TAOK1: variants seen among roughly 807,000 people sequenced by gnomAD.
TAOK1 encodes serine/threonine-protein kinase TAO1.
A neutral mutation model predicts 138.3 loss-of-function variants in TAOK1; 21 were observed. The ratio of observed to expected loss-of-function variants is 0.15; its 90% CI spans 0.11 to 0.22. The LOEUF is 0.22. Ranked by LOEUF, TAOK1 falls within the 10% of genes least tolerant of loss-of-function variation. The pLI, the probability that TAOK1 is intolerant of heterozygous loss-of-function variation, is 1.00. For synonymous variants in TAOK1, 361 were observed against 398.4 expected, an observed-to-expected ratio of 0.91 and a Z score of 1.12; for missense variants, 651 against 1,227.7, an observed-to-expected ratio of 0.53 and a Z score of 7.02.
chr17:29,407,420 A>C (rs900441597), intron 1 of TAOK1, among the ~76,000 whole-genome samples: 10 of 151,896 alleles, frequency 6.6e-5, no homozygotes, highest in Admixed American at 1.3e-4. Flanking sequence ...CTTTATACCC[A>C]ATTGCCTGAC....
chr17:29,448,474 A>G (rs191502060), intron 1 of TAOK1, among the ~76,000 whole-genome samples: 126 of 152,246 alleles, frequency 8.3e-4, no homozygotes, highest in African/African-American at 2.9e-3. Context: ...CAAGATAGAC[A>G]TACATGGGTT....
intron 1 of TAOK1, among the ~76,000 whole-genome samples, chr17:29,423,596 T>C (rs1905530302): frequency 6.6e-6 from 1 of 152,166 alleles, no homozygotes. Context: ...CAATTTCACT[T>C]TTATATTTCT....
intron 1 of TAOK1, among the ~76,000 whole-genome samples, chr17:29,420,144 A>C (rs1468836693): frequency 1.3e-5 from 2 of 151,748 alleles, no homozygotes; most frequent in South Asian, 4.2e-4. Context: ...TCCTGGGCTC[A>C]AGCAGTCCTC....
intron 1 of TAOK1, among the ~76,000 whole-genome samples, chr17:29,400,842 G>A (rs1260390509): frequency 2.6e-5 from 4 of 151,656 alleles, no homozygotes; most frequent in Non-Finnish European, 5.9e-5. Context: ...AAAGTAATGG[G>A]GAGTGTCAGT....
intron 2 of TAOK1, among the ~76,000 whole-genome samples, chr17:29,454,676 C>T (rs1202820275): frequency 6.6e-6 from 1 of 151,986 alleles, no homozygotes; most frequent in African/African-American, 2.4e-5. Flanking sequence ...CTCCATGCAA[C>T]ATATTCTTAG....
intron 1 of TAOK1, among the ~76,000 whole-genome samples, chr17:29,432,025 G>A (rs1360310591): frequency 6.6e-6 from 1 of 152,052 alleles, no homozygotes; most frequent in African/African-American, 2.4e-5. Context: ...CGTGTGCGGA[G>A]ACCAGCTCGG....
At chr17:29,505,215 C>T (rs924624470) in intron 13 of TAOK1, among the ~76,000 whole-genome samples, 4 of 152,052 alleles carry the variant, frequency 2.6e-5, no homozygotes, top group Non-Finnish European at 4.4e-5. Flanking sequence ...CTTAGTCTAC[C>T]GTCTCCTGCC....
chr17:29,457,262 T>C (rs1211942851), intron 2 of TAOK1, among the ~76,000 whole-genome samples: 1 of 147,542 alleles, frequency 6.8e-6, no homozygotes, highest in Non-Finnish European at 1.5e-5. Flanking sequence ...CCACCATACC[T>C]GGCTAATTTT....
At chr17:29,521,389 T>C (rs1179703419) in intron 16 of TAOK1, among the ~76,000 whole-genome samples, 2 of 152,244 alleles carry the variant, frequency 1.3e-5, no homozygotes, top group Non-Finnish European at 2.9e-5. Context: ...TACCATGTGC[T>C]AGGTATTATT....
At chr17:29,517,391 A>T in intron 15 of TAOK1, 62 bp from the exon 16 acceptor site, 1 of 1,549,068 alleles carries the variant, frequency 6.5e-7, no homozygotes, top group Non-Finnish European at 8.8e-7. Context: ...GAGTGCTGGG[A>T]TTACAGGCGT....
chr17:29,449,518 G>A (rs2030179784), intron 1 of TAOK1, among the ~76,000 whole-genome samples: 1 of 152,262 alleles, frequency 6.6e-6, no homozygotes, highest in East Asian at 1.9e-4. Context: ...GACAAGAATT[G>A]GATGGAGCTG....
At position 29,475,667 on chromosome 17, in the gene TAOK1, C is replaced by T; in HGVS notation, c.205-3C>T. ...TAATTCTTTACCTTTTTTCTCCCCA[C>T]AGAAATGGCAGGATATTATTAAGGA... On this transcript the variant is annotated splice_region_variant and splice_polypyrimidine_tract_variant and intron_variant, in intron 3 of 19. Coordinates refer to ENST00000261716, the MANE Select transcript of TAOK1 (RefSeq NM_020791.4). 2 of 1,593,400 alleles carry T rather than the reference C, an allele frequency of 1.3e-6. No individual in the cohort carries two copies. The highest frequency in any genetic ancestry group is 1.7e-6 in the Non-Finnish European group (2 of 1,166,794).
intron 7 of TAOK1, among the ~76,000 whole-genome samples, chr17:29,481,688 G>A (rs1246989940): frequency 1.1e-4 from 17 of 151,932 alleles, no homozygotes; most frequent in Non-Finnish European, 1.6e-4. Context: ...GGCCAGGTGC[G>A]GTGGATCACG....
chr17:29,452,088 C>T (rs1195264496), intron 2 of TAOK1, among the ~76,000 whole-genome samples: 1 of 151,964 alleles, frequency 6.6e-6, no homozygotes, highest in African/African-American at 2.4e-5. Flanking sequence ...TGGTGGTGCA[C>T]ACCTGTAGTT....
intron 18 of TAOK1, among the ~76,000 whole-genome samples, chr17:29,531,776 C>A (rs554822198): frequency 1.1e-4 from 15 of 133,616 alleles, no homozygotes; most frequent in Middle Eastern, 4.1e-3. Flanking sequence ...AAAAAAAAAA[C>A]AGGGCCAGAT....
chr17:29,527,338 A>T (rs571166776), intron 17 of TAOK1, among the ~76,000 whole-genome samples: 1 of 152,026 alleles, frequency 6.6e-6, no homozygotes, highest in Non-Finnish European at 1.5e-5. Flanking sequence ...GGTAGCTCAC[A>T]CCTGTAATCC....
chr17:29,409,333 A>ATATTTT (rs1348702470), intron 1 of TAOK1, among the ~76,000 whole-genome samples: 62 of 59,032 alleles, frequency 1.1e-3, no homozygotes, highest in African/African-American at 3.3e-3. Flanking sequence ...ATATATATAT[A>ATATTTT]TTTTTTTTTT....
At chr17:29,413,626 T>C (rs542035342) in intron 1 of TAOK1, among the ~76,000 whole-genome samples, 1 of 152,136 alleles carries the variant, frequency 6.6e-6, no homozygotes, top group East Asian at 1.9e-4. Context: ...AAAATAACCA[T>C]TTTAAAGTAA....
intron 16 of TAOK1, among the ~76,000 whole-genome samples, chr17:29,519,867 AT>A (rs1251795028): frequency 2.0e-5 from 3 of 152,192 alleles, no homozygotes; most frequent in Non-Finnish European, 4.4e-5. Flanking sequence ...AAATAGTAAC[AT>A]GATTCTGTGA....
Sources: allele counts gnomAD v4.1 joint callset (sites outside exome capture counted in the v4.1 genomes callset), GRCh38; gene constraint gnomAD v4.1.1; transcripts MANE v1.5; gene names NCBI Gene and HGNC (gene_info 2026-07-23, HGNC 2026-07-21).